The following PPP4R1 variants were observed in gnomAD, a reference collection of about 807,000 sequenced individuals.
PPP4R1 encodes serine/threonine-protein phosphatase 4 regulatory subunit 1.
Under a neutral mutation model 111.2 loss-of-function variants are expected in PPP4R1, and 42 were observed. The observed-to-expected ratio is 0.38, with a 90% CI of 0.29 to 0.49. The LOEUF is 0.49. Among genes scored for constraint, PPP4R1 ranks in the 20% least tolerant of loss-of-function variants. The pLI is 0.97. For missense variants in PPP4R1, 1,012 were observed against 1,161.6 expected, an observed-to-expected ratio of 0.87 and a Z score of 1.87; for synonymous variants, 409 against 405.5, an observed-to-expected ratio of 1.01 and a Z score of -0.10.
chr18:9,573,264 A>G (rs896776150), intron 10 of PPP4R1, among the ~76,000 whole-genome samples: 2 of 152,206 alleles, frequency 1.3e-5, no homozygotes, highest in Non-Finnish European at 2.9e-5. Context: ...TTAATTTCCT[A>G]ATTTTGGTAA....
intron 16 of PPP4R1, 104 bp from the exon 17 acceptor site, chr18:9,550,502 G>A: frequency 7.7e-7 from 1 of 1,305,500 alleles, no homozygotes; most frequent in Non-Finnish European, 1.1e-6. Context: ...CTGAGCACCT[G>A]TCTCAAACAT....
chr18:9,549,538 C>A (rs1472467792), intron 18 of PPP4R1, among the ~76,000 whole-genome samples, 200 bp from the exon 19 acceptor site: 6 of 152,208 alleles, frequency 3.9e-5, no homozygotes, highest in Admixed American at 3.9e-4. Context: ...TTAAACTGCT[C>A]TACGGAGACC....
chr18:9,567,591 C>G (rs2066789682), intron 11 of PPP4R1, among the ~76,000 whole-genome samples: 1 of 152,172 alleles, frequency 6.6e-6, no homozygotes, highest in South Asian at 2.1e-4. Flanking sequence ...GAATCTCCTC[C>G]TAGTGATGAT....
intron 11 of PPP4R1, among the ~76,000 whole-genome samples, chr18:9,564,429 C>A (rs559836289): frequency 3.9e-4 from 60 of 152,270 alleles, no homozygotes; most frequent in African/African-American, 1.4e-3. Flanking sequence ...AAGTGCCTGA[C>A]AACAGACACA....
chr18:9,550,197 G>C lies in PPP4R1; in HGVS notation c.2413-11C>G, dbSNP rs770709933. The C allele has an allele frequency of 6.2e-7, 1 of 1,614,192 alleles. No individual in the cohort carries two copies. The highest frequency in any genetic ancestry group is 2.2e-5 in the East Asian group (1 of 44,882). On this transcript the variant is annotated splice_polypyrimidine_tract_variant and intron_variant, in intron 17 of 19. Coordinates refer to ENST00000400556, the MANE Select transcript of PPP4R1 (RefSeq NM_001042388.3). ...CACCATCTCGCTGACCTGGGAGGGTGAGCATGGAGAAATGAGGAACAGCTT... is the reference window on the plus strand; with the variant it reads ...CACCATCTCGCTGACCTGGGAGGGTCAGCATGGAGAAATGAGGAACAGCTT...
At position 9,584,707 on chromosome 18, in the gene PPP4R1, C is replaced by G. The variant is rs560819532; in HGVS notation, c.693+14G>C. Reference sequence around the variant, plus strand: ...ATGTTCTTAAACAGCAGAAAAAAAACGACAAAAAAATACCTTTCGAACGTG... The same window carrying G: ...ATGTTCTTAAACAGCAGAAAAAAAAGGACAAAAAAATACCTTTCGAACGTG... On this transcript the variant is annotated intron_variant, in intron 7 of 19. Transcript: ENST00000400556. The G allele has an allele frequency of 6.2e-7, 1 of 1,611,134 alleles. No individual in the cohort carries two copies. The highest frequency in any genetic ancestry group is 2.2e-5 in the East Asian group (1 of 44,836).
Position 9,547,930 on chromosome 18 carries a change from G to C in PPP4R1, c.2712C>G (p.Ser904Arg). Residue 904 changes from serine to arginine, a missense_variant, in exon 20 of 20, where the codon AGC becomes AGG. Ser to Arg is a moderately radical substitution (Grantham distance 110, BLOSUM62 -1). Transcript: ENST00000400556. ...TCTGCTCCACAGCCTCCTGGTGGCAGCTGGCAGAGGCCAAGAAATAGTCTG... is the reference window on the plus strand; with the variant it reads ...TCTGCTCCACAGCCTCCTGGTGGCACCTGGCAGAGGCCAAGAAATAGTCTG... Reference protein sequence around the residue: ...LEKDYFLASASCHQEAVEQTI... With the variant: ...LEKDYFLASARCHQEAVEQTI... The C allele has an allele frequency of 6.2e-7, 1 of 1,613,980 alleles. No homozygotes were observed. The highest frequency in any genetic ancestry group is 8.5e-7 in the Non-Finnish European group (1 of 1,180,024).
chr18:9,614,041 C>T lies in PPP4R1; in HGVS notation c.52+185G>A, dbSNP rs907334274. 13 of 377,740 alleles carry T rather than the reference C, an allele frequency of 3.4e-5. No homozygotes were observed. The highest frequency in any genetic ancestry group is 4.3e-5 in the African/African-American group (2 of 46,408). 23.4% of individuals were successfully genotyped at this position (377,740 alleles called of 1,614,324 possible). On this transcript the variant is annotated intron_variant, in intron 2 of 19. Coordinates refer to ENST00000400556, the MANE Select transcript of PPP4R1 (RefSeq NM_001042388.3). This position sits in a 1 kb window ranked among gnomAD's most constrained non-coding sequence, Gnocchi z 4.1. ...CGGGCGTCTCCCTCCCCCAGCGGAA[C>T]CTGGGCGCGCCGTTTCCTCACGGAC...
chr18:9,592,701 T>TA (rs1464870539), intron 4 of PPP4R1, among the ~76,000 whole-genome samples: 1 of 149,316 alleles, frequency 6.7e-6, no homozygotes, highest in Non-Finnish European at 1.5e-5. Flanking sequence ...CTGGAGCTGG[T>TA]AAACAGGTAA....
At chr18:9,610,597 C>A (rs369786556) in intron 2 of PPP4R1, among the ~76,000 whole-genome samples, 1 of 151,880 alleles carries the variant, frequency 6.6e-6, no homozygotes, top group Non-Finnish European at 1.5e-5. Flanking sequence ...TGAGCAGCTG[C>A]GACTACAGGT....
chr18:9,599,181 T>C (rs926032892), intron 2 of PPP4R1, among the ~76,000 whole-genome samples: 1 of 152,180 alleles, frequency 6.6e-6, no homozygotes, highest in African/African-American at 2.4e-5. Context: ...TGTAGAAGTA[T>C]AATGTATGAC....
intron 2 of PPP4R1, chr18:9,613,929 A>C (rs1308637128): frequency 4.5e-6 from 1 of 223,518 alleles, no homozygotes; most frequent in Non-Finnish European, 8.8e-6. Flanking sequence ...TCCTTCCAAA[A>C]CAGCCGCGCC....
upstream of PPP4R1, chr18:9,614,984 C>G (rs566883915): frequency 2.6e-5 from 4 of 152,154 alleles, no homozygotes; most frequent in African/African-American, 7.2e-5. The surrounding 1 kb of genome is among the most constrained non-coding windows in gnomAD (Gnocchi z 4.1). Context: ...GCGCGCCGCT[C>G]GCAGCCAGCG....
intron 16 of PPP4R1, 31 bp downstream of exon 16, chr18:9,553,291 A>G: frequency 4.7e-6 from 7 of 1,489,156 alleles, no homozygotes; most frequent in Non-Finnish European, 6.5e-6. Context: ...TACCCCTCCA[A>G]AACATAATCT....
intron 13 of PPP4R1, 114 bp from the exon 14 acceptor site, chr18:9,559,718 A>C: frequency 1.3e-6 from 1 of 767,396 alleles, no homozygotes; most frequent in Non-Finnish European, 1.9e-6. Context: ...ATAGCATCTC[A>C]AATAGTTGAG....
chr18:9,585,424 AGT>A (rs1259951233), intron 6 of PPP4R1, among the ~76,000 whole-genome samples: 1 of 152,232 alleles, frequency 6.6e-6, no homozygotes. Context: ...TAGGAGGCAA[AGT>A]GAGGATTAAC....
rs541477499 is a variant in PPP4R1 at position 9,592,987 on chromosome 18, T to G, written c.295+781A>C. On this transcript the variant is annotated intron_variant, in intron 4 of 19. Transcript: ENST00000400556. ...AAGAATATTAGAAACATTTAAGGCT[T>G]ATGTAAACATTTAACACATTCCCAT... 2.2e-3 allele frequency among the ~76,000 whole-genome samples: 329 copies of G among 152,298 alleles called. 3 individuals are homozygous for G. Among genetic ancestry groups the G allele is most frequent in the African/African-American group, 7.7e-3 (320 of 41,574 alleles).
chr18:9,553,870 C>T (rs1444852366), intron 15 of PPP4R1, among the ~76,000 whole-genome samples: 1 of 152,202 alleles, frequency 6.6e-6, no homozygotes, highest in Non-Finnish European at 1.5e-5. Flanking sequence ...CCAATAGCTG[C>T]TCTATAAATA....
chr18:9,601,244 C>T (rs912775393), intron 2 of PPP4R1, among the ~76,000 whole-genome samples: 4 of 150,676 alleles, frequency 2.7e-5, no homozygotes, highest in Admixed American at 6.6e-5. Context: ...ATATACTGGC[C>T]GGGAACGGTG....
Sources: gnomAD v4.1 joint callset for allele counts (sites outside exome capture counted in the v4.1 genomes callset) on GRCh38, gnomAD v4.1.1 for gene constraint, Gnocchi (gnomAD v3.1) non-coding constraint, MANE v1.5 for transcripts, NCBI Gene and HGNC (gene_info 2026-07-23, HGNC 2026-07-21) for gene names.